Variants in SYTL3 observed in about 807,000 individuals in gnomAD.
SYTL3 encodes the protein synaptotagmin-like protein 3.
A neutral mutation model predicts 82.1 loss-of-function variants in SYTL3; 88 were observed. The ratio of observed to expected loss-of-function variants is 1.07; its 90% CI spans 0.90 to 1.28. The LOEUF (loss-of-function observed/expected upper bound fraction) is 1.28. Among genes scored for constraint, SYTL3 ranks in the 50% most tolerant of loss-of-function variants. SYTL3 has a pLI of 0.00. For missense variants in SYTL3, 831 were observed against 757.6 expected, an observed-to-expected ratio of 1.10 and a Z score of -1.14; for synonymous variants, 311 against 289.4, an observed-to-expected ratio of 1.07 and a Z score of -0.76.
chr6:158,692,257 C>CAAA (rs571381475), intron 6 of SYTL3, among the ~76,000 whole-genome samples: 552 of 32,192 alleles, frequency 0.017, 146 homozygotes, highest in Admixed American at 0.021. Flanking sequence ...GACTCCGTCT[C>CAAA]AAAAAAAAAA....
At chr6:158,651,162 G>T (rs1383655550) in intron 1 of SYTL3, among the ~76,000 whole-genome samples, 1 of 152,138 alleles carries the variant, frequency 6.6e-6, no homozygotes, top group African/African-American at 2.4e-5. Context: ...TCATAATGTG[G>T]CAATAAGGAT....
chr6:158,723,233 T>A (rs1206564388), intron 10 of SYTL3, among the ~76,000 whole-genome samples: 1 of 151,658 alleles, frequency 6.6e-6, no homozygotes, highest in Non-Finnish European at 1.5e-5. Context: ...TAGCTAGGAC[T>A]ACAGGCACGT....
intron 13 of SYTL3, among the ~76,000 whole-genome samples, chr6:158,754,511 G>A (rs904521858): frequency 5.9e-5 from 9 of 152,158 alleles, no homozygotes; most frequent in Non-Finnish European, 1.0e-4. Flanking sequence ...ATGAGGTCAG[G>A]AGATCGAGAC....
chr6:158,701,180 G>A (rs1457048296), intron 6 of SYTL3, among the ~76,000 whole-genome samples: 2 of 139,150 alleles, frequency 1.4e-5, no homozygotes, highest in African/African-American at 2.8e-5. Context: ...AAGGAGGTGA[G>A]CTGGGGTGTA....
At chr6:158,674,900 G>T (rs753961623) in intron 5 of SYTL3, among the ~76,000 whole-genome samples, 27 of 148,590 alleles carry the variant, frequency 1.8e-4, no homozygotes, top group Non-Finnish European at 2.5e-4. Context: ...CCTCCCTGTT[G>T]TCTCCCCTCC....
chr6:158,729,597 C>T (rs375299839), intron 11 of SYTL3, among the ~76,000 whole-genome samples: 14 of 142,118 alleles, frequency 9.9e-5, no homozygotes, highest in East Asian at 8.1e-4. Flanking sequence ...GACAGAGTCT[C>T]GCTTTGTCAC....
At chr6:158,748,078 T>G (rs980471642) in intron 12 of SYTL3, among the ~76,000 whole-genome samples, 6 of 128,836 alleles carry the variant, frequency 4.7e-5, no homozygotes, top group South Asian at 2.4e-4. Context: ...TTATCGTTTT[T>G]TTTTTTTTTT....
chr6:158,730,823 G>A (rs372417611), intron 11 of SYTL3, among the ~76,000 whole-genome samples: 6 of 152,206 alleles, frequency 3.9e-5, no homozygotes, highest in Admixed American at 1.3e-4. Context: ...AAGAGAAACC[G>A]CAGGGGCGGT....
chr6:158,757,240 C>CCGG lies in SYTL3; in HGVS notation c.1169_1171dup (p.Arg390dup). The CCGG allele has an allele frequency of 6.2e-7, 1 of 1,611,566 alleles. No individual in the cohort carries two copies. The highest frequency in any genetic ancestry group is 8.5e-7 in the Non-Finnish European group (1 of 1,179,920). ...AGGTGGCCCCTGCCCAGCTGGTGACCCGGCAGCTGCAGGTCTCGGTGTGGC... is the reference window on the plus strand; with the variant it reads ...AGGTGGCCCCTGCCCAGCTGGTGACCCGGCGGCAGCTGCAGGTCTCGGTGTGGC... On this transcript the variant is annotated inframe_insertion, in exon 14 of 18. Transcript: ENST00000611299.
Position 158,673,063 on chromosome 6 carries a change from T to C in SYTL3, c.329+7450T>C, listed in dbSNP as rs570288598. On this transcript the variant is annotated intron_variant, in intron 5 of 17. Transcript: ENST00000611299. ...TTCCTGCCTCAGCCTCCCAAATAGC[T>C]GGGACTCCAAGTACGCACCACCACA... Among the ~76,000 whole-genome samples, 10 of 152,186 alleles carry C rather than the reference T, an allele frequency of 6.6e-5. No homozygotes were observed. In the East Asian group the frequency reaches 1.9e-3, roughly 29 times the overall value.
chr6:158,680,957 T>C (rs1315315166), intron 5 of SYTL3, among the ~76,000 whole-genome samples: 1 of 152,228 alleles, frequency 6.6e-6, no homozygotes. Context: ...GATTGGCATA[T>C]ATTTGTGATT....
intron 14 of SYTL3, among the ~76,000 whole-genome samples, chr6:158,758,152 G>C (rs1789391158): frequency 1.3e-5 from 2 of 152,146 alleles, no homozygotes; most frequent in African/African-American, 4.8e-5. Flanking sequence ...AAAAACCCCA[G>C]TGGGGAGCCT....
chr6:158,745,643 A>C lies in SYTL3; in HGVS notation c.1019A>C (p.Lys340Thr). The C allele has an allele frequency of 6.3e-7, 1 of 1,599,918 alleles. No homozygotes were observed. The highest frequency in any genetic ancestry group is 1.8e-5 in the Admixed American group (1 of 55,440). The change falls in exon 12 of 18, where the codon AAG becomes ACG. Residue 340 changes from lysine (K) to threonine (T), a missense_variant. Coordinates refer to ENST00000611299, the MANE Select transcript of SYTL3 (RefSeq NM_001242394.2). ...CKNLAYGEEKKKKCNPYVKTY... is the reference protein window; with the variant it reads ...CKNLAYGEEKTKKCNPYVKTY... The stretch of plus-strand genomic sequence containing the variant: ...AACCTTGCCTATGGAGAAGAAAAGA[A>C]GAAAAAGTGCAATCCGTAAGTTGTT...
intron 2 of SYTL3, among the ~76,000 whole-genome samples, chr6:158,655,893 C>G (rs752978523): frequency 6.6e-6 from 1 of 152,214 alleles, no homozygotes; most frequent in Non-Finnish European, 1.5e-5. Context: ...ATGACTGTCC[C>G]CATCTCTTGC....
intron 11 of SYTL3, chr6:158,726,924 A>T (rs1246239238): frequency 6.8e-6 from 1 of 146,632 alleles, no homozygotes; most frequent in Non-Finnish European, 1.5e-5. Flanking sequence ...ATCTTGGCTC[A>T]CTACAAGCTC....
At chr6:158,696,316 C>T (rs1780549867) in intron 6 of SYTL3, among the ~76,000 whole-genome samples, 1 of 151,920 alleles carries the variant, frequency 6.6e-6, no homozygotes, top group African/African-American at 2.4e-5. Flanking sequence ...TCCCGTGTCT[C>T]AGCCTCCCGA....
chr6:158,700,513 C>A (rs994906772), intron 6 of SYTL3, among the ~76,000 whole-genome samples: 1 of 152,138 alleles, frequency 6.6e-6, no homozygotes, highest in African/African-American at 2.4e-5. Flanking sequence ...TTGTGCAAAA[C>A]CAATGACCTT....
At chr6:158,687,040 G>C (rs1779375033) in intron 6 of SYTL3, among the ~76,000 whole-genome samples, 1 of 152,236 alleles carries the variant, frequency 6.6e-6, no homozygotes. Flanking sequence ...ATCCTGAGCA[G>C]AAGTTAGAAA....
At chr6:158,645,185 T>G (rs1787358577), upstream of SYTL3, among the ~76,000 whole-genome samples, 1 of 152,192 alleles carries the variant, frequency 6.6e-6, no homozygotes, top group Non-Finnish European at 1.5e-5. Flanking sequence ...GGGATTGGCA[T>G]GCTTTAGCTA....
Sources: allele counts gnomAD v4.1 joint callset (sites outside exome capture counted in the v4.1 genomes callset), GRCh38; gene constraint gnomAD v4.1.1; transcripts MANE v1.5; gene names NCBI Gene and HGNC (gene_info 2026-07-23, HGNC 2026-07-21).